LHCGR: variants seen among roughly 807,000 people sequenced by gnomAD.
LHCGR encodes the protein lutropin-choriogonadotropic hormone receptor.
In LHCGR, 55 loss-of-function variants were observed where a neutral mutation model predicts 60.7. That is an observed-to-expected ratio of 0.91 (90% CI 0.73 to 1.13). The LOEUF (loss-of-function observed/expected upper bound fraction) is 1.13. Ranked by LOEUF, LHCGR falls within the 50% of genes most tolerant of loss-of-function variation. The pLI, the probability that LHCGR is intolerant of heterozygous loss-of-function variation, is 0.00. For synonymous variants in LHCGR, 337 were observed against 316.5 expected (o/e 1.06, Z -0.69); for missense variants, 862 against 836.0 (o/e 1.03, Z -0.38).
intron 10 of LHCGR, 143 bp downstream of exon 10, chr2:48,694,081 A>T (rs867885787): frequency 1.5e-6 from 1 of 651,376 alleles, no homozygotes; most frequent in Admixed American, 2.6e-5. Context: ...CAAAGAAAAA[A>T]TTCCCATTTT....
chr2:48,747,689 A>T (rs1394337054), intron 1 of LHCGR, among the ~76,000 whole-genome samples: 1 of 152,176 alleles, frequency 6.6e-6, no homozygotes, highest in South Asian at 2.1e-4. Context: ...AAGCTCCCTG[A>T]GCAGCTTTTG....
chr2:48,688,230 G>T lies in LHCGR; in HGVS notation c.1567C>A (p.Leu523Ile). Residue 523 changes from leucine to isoleucine, a missense_variant, in exon 11 of 11, where the codon CTC becomes ATC. Coordinates refer to ENST00000294954, the MANE Select transcript of LHCGR (RefSeq NM_000233.4). This position sits in a 1 kb window ranked among gnomAD's most constrained non-coding sequence, Gnocchi z 5.2. ...ATGGTTAATATATAGACTTGTGAGA[G>T]AGTGGTTTCCACATCCATGGGGAAG... ...ICFPMDVETT[L>I]SQVYILTILI... The T allele has an allele frequency of 6.2e-7, 1 of 1,614,154 alleles. No individual in the cohort carries two copies. The highest frequency in any genetic ancestry group is 8.5e-7 in the Non-Finnish European group (1 of 1,180,020).
chr2:48,725,887 G>T, intron 3 of LHCGR, 137 bp from the exon 4 acceptor site: 1 of 700,592 alleles, frequency 1.4e-6, no homozygotes, highest in Non-Finnish European at 2.6e-6. Flanking sequence ...TGCTTGGGAG[G>T]ACCCCTAGCG....
intron 1 of LHCGR, among the ~76,000 whole-genome samples, chr2:48,732,200 A>C (rs1669023733): frequency 6.6e-6 from 1 of 152,242 alleles, no homozygotes; most frequent in Non-Finnish European, 1.5e-5. Flanking sequence ...TGCAGCCAAC[A>C]TTTATTGAGT....
In LHCGR at chr2:48,698,739, G is replaced by T; in HGVS notation, c.742C>A (p.Leu248Ile). 4 of 1,614,094 alleles carry T rather than the reference G, an allele frequency of 2.5e-6. No individual in the cohort carries two copies. The highest frequency in any genetic ancestry group is 2.5e-6 in the Non-Finnish European group (3 of 1,179,952). The change falls in exon 9 of 11, where the codon CTA (leucine) becomes ATA (isoleucine). Residue 248 changes from leucine to isoleucine, a missense_variant. Physicochemically the swap from Leu to Ile is conservative, Grantham distance 5. Transcript: ENST00000294954. Reference sequence around the variant, plus strand: ...AGAGAATAGGATGACGTGGCAATTAGCCTCTGAATGGACTCTAGGCCATAG... The same window carrying T: ...AGAGAATAGGATGACGTGGCAATTATCCTCTGAATGGACTCTAGGCCATAG... ...PSYGLESIQR[L>I]IATSSYSLKK...
chr2:48,689,563 A>C (rs1347921025), intron 10 of LHCGR, among the ~76,000 whole-genome samples: 1 of 152,230 alleles, frequency 6.6e-6, no homozygotes, highest in Non-Finnish European at 1.5e-5. Context: ...TGTGGACAAT[A>C]GGAAGAGATG....
rs1679953381 is a variant in LHCGR, at chr2:48,687,563, A to G, written c.*134T>C. On this transcript the variant is annotated 3_prime_UTR_variant, in exon 11 of 11. Transcript: ENST00000294954. Reference sequence around the variant, plus strand: ...TCATAGACTACACTTTCTACTAGGTAGAGGTCTCTTGCCTAATGTACCTAA... The same window carrying G: ...TCATAGACTACACTTTCTACTAGGTGGAGGTCTCTTGCCTAATGTACCTAA... 4.3e-6 allele frequency: 3 copies of G among 700,040 alleles called. No individual in the cohort carries two copies. Among genetic ancestry groups the G allele is most frequent in the Non-Finnish European group, 7.4e-6 (3 of 405,036 alleles). The allele number at this position is 700,040 out of a possible 1,614,324, so 43.4% of individuals were successfully genotyped here. A position where few individuals can be genotyped will look rare whatever the true frequency, so the allele number is the denominator to read the frequency against.
intron 8 of LHCGR, among the ~76,000 whole-genome samples, chr2:48,705,545 A>C (rs905962703): frequency 2.0e-5 from 3 of 152,154 alleles, no homozygotes; most frequent in Non-Finnish European, 1.5e-5. Flanking sequence ...GTAGTTCTCT[A>C]AGAACTGGCT....
chr2:48,755,546 C>T lies in LHCGR; in HGVS notation c.126G>A (p.Leu42=), dbSNP rs1400171871. ...GACCGGCCGTGGGGCCGGGGCAGCG[C>T]AGGGCGCCGTCGGGCACGCAGTTGC... is the stretch of plus-strand genomic sequence containing the variant. The part of the protein sequence containing the change: ...EPCNCVPDGA[L]RCPGPTAGLT... The change falls in exon 1 of 11, where the codon CTG becomes CTA. Residue 42 remains leucine (L), a synonymous_variant. Transcript: ENST00000294954. 1 of 1,541,776 alleles carries T rather than the reference C, an allele frequency of 6.5e-7. No individual in the cohort carries two copies. The highest frequency in any genetic ancestry group is 1.4e-5 in the African/African-American group (1 of 72,810).
intron 8 of LHCGR, among the ~76,000 whole-genome samples, chr2:48,707,254 C>A (rs1667731831): frequency 6.6e-6 from 1 of 152,216 alleles, no homozygotes; most frequent in South Asian, 2.1e-4. Context: ...GCTGACTGAT[C>A]CTTCCTCTTG....
chr2:48,708,655 C>A, intron 8 of LHCGR: 1 of 535,574 alleles, frequency 1.9e-6, no homozygotes, highest in East Asian at 3.3e-5. Flanking sequence ...CTAGGAGAGG[C>A]CTGGAATAGA....
intron 1 of LHCGR, among the ~76,000 whole-genome samples, chr2:48,753,786 A>G (rs184804612): frequency 2.7e-4 from 39 of 146,926 alleles, no homozygotes; most frequent in Non-Finnish European, 5.1e-4. Context: ...TTTGCTCAGT[A>G]CTAATTTTGG....
At chr2:48,692,335 AT>A (rs1439613136) in intron 10 of LHCGR, among the ~76,000 whole-genome samples, 1 of 152,226 alleles carries the variant, frequency 6.6e-6, no homozygotes, top group Non-Finnish European at 1.5e-5. Context: ...TTCTGGTTAA[AT>A]TTATATCAAC....
intron 8 of LHCGR, among the ~76,000 whole-genome samples, chr2:48,701,619 TC>T (rs1667414320): frequency 6.6e-6 from 1 of 151,982 alleles, no homozygotes; most frequent in South Asian, 2.1e-4. Context: ...AGAACTCCTT[TC>T]CCCCCAACCA....
intron 8 of LHCGR, among the ~76,000 whole-genome samples, chr2:48,703,148 G>C (rs958672076): frequency 6.6e-6 from 1 of 152,154 alleles, no homozygotes; most frequent in Admixed American, 6.5e-5. Flanking sequence ...ATTTGTTTAA[G>C]TTCTTTGTAG....
At position 48,746,278 on chromosome 2, in the gene LHCGR, A is replaced by G. The variant is rs149665523; in HGVS notation, c.161+9233T>C. Among the ~76,000 whole-genome samples, 578 of 152,286 alleles carry G rather than the reference A, an allele frequency of 3.8e-3. 7 individuals carry two copies. The highest frequency in any genetic ancestry group is 0.013 in the African/African-American group (552 of 41,554). ...TCATGGGTCAGTCACTTTTAAGTCT[A>G]TAGCATGCCTATGGCTTATTCCTAA... On this transcript the variant is annotated intron_variant, in intron 1 of 10. Transcript: ENST00000294954.
At chr2:48,717,744 A>G (rs1282603827) in intron 6 of LHCGR, among the ~76,000 whole-genome samples, 1 of 151,660 alleles carries the variant, frequency 6.6e-6, no homozygotes, top group Non-Finnish European at 1.5e-5. Flanking sequence ...CCTGGGCTGC[A>G]CTAAATGTAC....
At chr2:48,722,763 T>C (rs950945257) in intron 6 of LHCGR, among the ~76,000 whole-genome samples, 1 of 152,132 alleles carries the variant, frequency 6.6e-6, no homozygotes, top group Non-Finnish European at 1.5e-5. Context: ...TCTTTATAAA[T>C]TACCCAGTCT....
In LHCGR at chr2:48,722,893, C is replaced by A. The variant is rs145754669; in HGVS notation, c.536+563G>T. On this transcript the variant is annotated intron_variant, in intron 6 of 10. Transcript: ENST00000294954. ...TAGGAAACACCATGAAAGGGATAGC[C>A]TGGTAACCTGACGAGTAACTGTCAA... is the stretch of plus-strand genomic sequence containing the variant. Among the ~76,000 whole-genome samples, 7 of 152,208 alleles carry A rather than the reference C, an allele frequency of 4.6e-5. No individual in the cohort carries two copies. The East Asian group carries it at 1.4e-3, about 29-fold the overall frequency.
Sources: allele counts gnomAD v4.1 joint callset (sites outside exome capture counted in the v4.1 genomes callset), GRCh38; gene constraint gnomAD v4.1.1; non-coding constraint Gnocchi (gnomAD v3.1); transcripts MANE v1.5; gene names NCBI Gene and HGNC (gene_info 2026-07-23, HGNC 2026-07-21).